Variants in CDH4 observed in about 807,000 individuals in gnomAD.
The protein encoded by CDH4 is cadherin-4.
In CDH4, 33 loss-of-function variants were observed where a neutral mutation model predicts 86.0. The observed-to-expected ratio is 0.38, with a 90% CI of 0.29 to 0.51. The LOEUF is 0.51. Ranked by LOEUF, CDH4 falls within the 20% of genes least tolerant of loss-of-function variation. The pLI is 0.86. For missense variants in CDH4, 1,114 were observed against 1,307.4 expected (o/e 0.85, Z 2.28); for synonymous variants, 555 against 549.4 (o/e 1.01, Z -0.14).
chr20:61,794,434 C>G (rs552000373), intron 4 of CDH4, among the ~76,000 whole-genome samples: 1 of 152,322 alleles, frequency 6.6e-6, no homozygotes, highest in African/African-American at 2.4e-5. Context: ...GGTGCTCATA[C>G]ACCAAGTCCC....
intron 2 of CDH4, among the ~76,000 whole-genome samples, chr20:61,372,905 C>T (rs567533093): frequency 7.6e-4 from 116 of 152,396 alleles, no homozygotes; most frequent in African/African-American, 2.6e-3. Flanking sequence ...GGGCGGAGGC[C>T]TCAGCAGCAG....
chr20:61,766,052 T>A (rs1001110932), intron 3 of CDH4, among the ~76,000 whole-genome samples: 1 of 151,920 alleles, frequency 6.6e-6, no homozygotes, highest in Non-Finnish European at 1.5e-5. Flanking sequence ...CCCTGGGTTC[T>A]CTAGGACCCC....
intron 2 of CDH4, among the ~76,000 whole-genome samples, chr20:61,284,313 CA>C (rs912348327): frequency 2.1e-4 from 32 of 149,772 alleles, no homozygotes; most frequent in African/African-American, 5.9e-4. Context: ...GACTCCGTCT[CA>C]AAAAAAAAAT....
intron 7 of CDH4, among the ~76,000 whole-genome samples, chr20:61,889,627 A>ATGGATGATGGG: frequency 1.9e-5 from 1 of 53,806 alleles, no homozygotes; most frequent in South Asian, 5.8e-4. Context: ...TGATGGATGG[A>ATGGATGATGGG]TGGATGGATA....
intron 5 of CDH4, among the ~76,000 whole-genome samples, chr20:61,845,416 G>A (rs1001827926): frequency 1.3e-5 from 2 of 152,226 alleles, no homozygotes; most frequent in East Asian, 3.9e-4. Context: ...CAGCTTCCAG[G>A]GGGCGGGCCT....
At chr20:61,651,188 G>A (rs985655752) in intron 2 of CDH4, among the ~76,000 whole-genome samples, 9 of 152,238 alleles carry the variant, frequency 5.9e-5, no homozygotes, top group African/African-American at 2.2e-4. Flanking sequence ...TGGTGTGCTT[G>A]TGTGAGTTAG....
chr20:61,714,478 G>T (rs1307587574), intron 2 of CDH4, among the ~76,000 whole-genome samples: 1 of 151,990 alleles, frequency 6.6e-6, no homozygotes, highest in Non-Finnish European at 1.5e-5. Context: ...TGACATGGAT[G>T]AATTGTACAG....
rs111849867 is a variant in CDH4 at position 61,468,476 on chromosome 20, T to C, written c.169+213539T>C. Among the ~76,000 whole-genome samples the C allele has an allele frequency of 6.9e-3, 1,045 of 152,332 alleles. 11 individuals carry two copies. The highest frequency in any genetic ancestry group is 0.024 in the African/African-American group (989 of 41,568). ...GATACATGAGATATTTTGATTTAGA[T>C]ATGCAGTGTGTAATAGTCACAGGTA... On this transcript the variant is annotated intron_variant, in intron 2 of 15. Coordinates refer to ENST00000614565, the MANE Select transcript of CDH4 (RefSeq NM_001794.5).
At chr20:61,296,238 T>C (rs1045943086) in intron 2 of CDH4, among the ~76,000 whole-genome samples, 17 of 144,722 alleles carry the variant, frequency 1.2e-4, no homozygotes, top group African/African-American at 4.4e-4. Flanking sequence ...ATAATGAGTG[T>C]GTGTATGTGT....
chr20:61,862,658 A>G (rs1321603750), intron 6 of CDH4, among the ~76,000 whole-genome samples: 3 of 152,190 alleles, frequency 2.0e-5, no homozygotes, highest in Non-Finnish European at 4.4e-5. Context: ...ACGAGCTCTC[A>G]GGGCTCGGGA....
intron 2 of CDH4, among the ~76,000 whole-genome samples, chr20:61,314,022 A>C (rs928507070): frequency 2.6e-5 from 4 of 152,250 alleles, no homozygotes; most frequent in Non-Finnish European, 5.9e-5. Context: ...GGCGTGAGCC[A>C]CAGCACCCAG....
rs563299910 is a variant in CDH4 at position 61,516,843 on chromosome 20, G to GCTCCCCTA, written c.170-226714_170-226707dup. On this transcript the variant is annotated intron_variant, in intron 2 of 15. Transcript: ENST00000614565. This position sits in a 1 kb window ranked among gnomAD's most constrained non-coding sequence, Gnocchi z 4.0. The stretch of plus-strand genomic sequence containing the variant: ...TGGGCTCGCTGTCCACACAGCCCCT[G>GCTCCCCTA]CTCCCCTACTCCCTGGCTCCTCGTC... 1.6e-4 allele frequency among the ~76,000 whole-genome samples: 25 copies of GCTCCCCTA among 152,322 alleles called. No homozygotes were observed. Among genetic ancestry groups the GCTCCCCTA allele is most frequent in the Admixed American group, 5.9e-4 (9 of 15,304 alleles).
chr20:61,937,104 AC>A lies in CDH4; in HGVS notation c.*166del. Reference sequence around the variant, plus strand: ...GTTGAGCTGTCTAGCATGAGCACCCACCCCCACAGCGCCCTGCACCCGGCCG... The same window carrying A: ...GTTGAGCTGTCTAGCATGAGCACCCACCCCACAGCGCCCTGCACCCGGCCG... On this transcript the variant is annotated 3_prime_UTR_variant, in exon 16 of 16. Coordinates refer to ENST00000614565, the MANE Select transcript of CDH4 (RefSeq NM_001794.5). 1 of 502,210 alleles carries A rather than the reference AC, an allele frequency of 2.0e-6. No individual in the cohort carries two copies. The allele number at this position is 502,210 out of a possible 1,614,324, so 31.1% of individuals were successfully genotyped here.
chr20:61,567,239 C>T (rs2086305369), intron 2 of CDH4, among the ~76,000 whole-genome samples: 1 of 152,220 alleles, frequency 6.6e-6, no homozygotes, highest in Admixed American at 6.5e-5. Flanking sequence ...TTTGTAAGCT[C>T]TTCTAGCTGG....
chr20:61,492,104 T>C lies in CDH4; in HGVS notation c.169+237167T>C, dbSNP rs1296841734. Among the ~76,000 whole-genome samples the C allele has an allele frequency of 2.0e-5, 3 of 150,878 alleles. No individual in the cohort carries two copies. In the East Asian group the frequency reaches 5.8e-4, roughly 29 times the overall value. On this transcript the variant is annotated intron_variant, in intron 2 of 15. Coordinates refer to ENST00000614565, the MANE Select transcript of CDH4 (RefSeq NM_001794.5). ...TTGATGGTGTTGATGGTGGTGGTGT[T>C]GATGTTGGTGGTGTCGATATTGTTA...
chr20:61,936,775 C>G lies in CDH4; in HGVS notation c.2583C>G (p.Pro861=). 2.5e-6 allele frequency: 4 copies of G among 1,609,938 alleles called. No individual in the cohort carries two copies. The highest frequency in any genetic ancestry group is 3.4e-6 in the Non-Finnish European group (4 of 1,178,804). Residue 861 remains proline, a synonymous_variant, in exon 16 of 16, where the codon CCC becomes CCG. Transcript: ENST00000614565. ...CTGACAACGACCCCACGGCACCCCCCTATGACTCCCTGCTGGTCTTCGACT... is the reference window on the plus strand; with the variant it reads ...CTGACAACGACCCCACGGCACCCCCGTATGACTCCCTGCTGGTCTTCGACT... ...RAADNDPTAP[P]YDSLLVFDYE...
chr20:61,262,660 T>A (rs1028025521), intron 2 of CDH4, among the ~76,000 whole-genome samples: 1 of 152,218 alleles, frequency 6.6e-6, no homozygotes, highest in African/African-American at 2.4e-5. Context: ...GTGTGCTCCA[T>A]GACACTAATT....
intron 7 of CDH4, among the ~76,000 whole-genome samples, chr20:61,881,292 G>T (rs960687682): frequency 6.6e-6 from 1 of 152,254 alleles, no homozygotes; most frequent in African/African-American, 2.4e-5. Flanking sequence ...CGAAGGGAGG[G>T]GAGACGATGG....
At position 61,844,658 on chromosome 20, in the gene CDH4, T is replaced by C; in HGVS notation, c.577-10T>C. 6.2e-7 allele frequency: 1 copy of C among 1,606,418 alleles called. No homozygotes were observed. The highest frequency in any genetic ancestry group is 8.5e-7 in the Non-Finnish European group (1 of 1,174,234). On this transcript the variant is annotated splice_polypyrimidine_tract_variant and intron_variant, in intron 4 of 15. Coordinates refer to ENST00000614565, the MANE Select transcript of CDH4 (RefSeq NM_001794.5). ...GGATAACCTCTTCTCGCTTTGCTCC[T>C]GCCTTTCAGATCCGGTCCGACAAAG...
Sources: allele counts gnomAD v4.1 joint callset (sites outside exome capture counted in the v4.1 genomes callset), GRCh38; gene constraint gnomAD v4.1.1; non-coding constraint Gnocchi (gnomAD v3.1); transcripts MANE v1.5; gene names NCBI Gene and HGNC (gene_info 2026-07-23, HGNC 2026-07-21).